ERG: variants seen among roughly 807,000 people sequenced by gnomAD.
ERG encodes transcriptional regulator ERG.
Under a neutral mutation model 55.3 loss-of-function variants are expected in ERG, and 9 were observed. The ratio of observed to expected loss-of-function variants is 0.16; its 90% CI spans 0.10 to 0.28. ERG has a LOEUF of 0.28. Among genes scored for constraint, ERG ranks in the 10% least tolerant of loss-of-function variants. The pLI is 1.00. For missense variants in ERG, 434 were observed against 631.6 expected, an observed-to-expected ratio of 0.69 and a Z score of 3.35; for synonymous variants, 223 against 237.3, an observed-to-expected ratio of 0.94 and a Z score of 0.55.
intron 2 of ERG, among the ~76,000 whole-genome samples, chr21:38,426,830 T>C (rs140663539): frequency 3.3e-5 from 5 of 151,502 alleles, no homozygotes; most frequent in Non-Finnish European, 7.4e-5. Flanking sequence ...CTCGGGAGGC[T>C]GAGGCAGGAG....
intron 1 of ERG, among the ~76,000 whole-genome samples, chr21:38,618,894 A>C (rs2060274138): frequency 1.3e-5 from 2 of 152,206 alleles, no homozygotes; most frequent in African/African-American, 4.8e-5. Flanking sequence ...GTTGCTAGGA[A>C]AACTAAGCGT....
At chr21:38,570,858 T>C (rs954386790) in intron 2 of ERG, among the ~76,000 whole-genome samples, 10 of 152,222 alleles carry the variant, frequency 6.6e-5, no homozygotes, top group Admixed American at 5.2e-4. Context: ...GGTTCCCCTC[T>C]CAGTCCAGTC....
chr21:38,392,540 C>A, intron 6 of ERG, 96 bp from the exon 7 acceptor site: 1 of 903,254 alleles, frequency 1.1e-6, no homozygotes, highest in Non-Finnish European at 1.6e-6. Context: ...TTAGAATAAA[C>A]TTTGTGCAAA....
chr21:38,411,606 C>A (rs1481518789), intron 3 of ERG, among the ~76,000 whole-genome samples: 2 of 152,224 alleles, frequency 1.3e-5, no homozygotes, highest in Non-Finnish European at 2.9e-5. Context: ...CCATGCCCAG[C>A]TGAAATTAGC....
chr21:38,587,272 C>G (rs1311615007), upstream of ERG, among the ~76,000 whole-genome samples: 4 of 152,154 alleles, frequency 2.6e-5, no homozygotes, highest in Non-Finnish European at 5.9e-5. Context: ...GCCCAAGGAG[C>G]TGGCCTTCCC....
intron 1 of ERG, among the ~76,000 whole-genome samples, chr21:38,656,563 C>A (rs2060520403): frequency 6.6e-6 from 1 of 152,190 alleles, no homozygotes; most frequent in Admixed American, 6.5e-5. Context: ...TTTAGTCTTT[C>A]TTTTACTTTC....
chr21:38,409,039 T>C (rs549688254), intron 3 of ERG, among the ~76,000 whole-genome samples: 9 of 152,124 alleles, frequency 5.9e-5, no homozygotes, highest in Non-Finnish European at 2.9e-5. Context: ...AGAACTAAGA[T>C]AGATTTAATT....
chr21:38,570,378 T>C (rs560733870), intron 2 of ERG, among the ~76,000 whole-genome samples: 1 of 152,322 alleles, frequency 6.6e-6, no homozygotes, highest in South Asian at 2.1e-4. Context: ...AGTATATAAC[T>C]TTTTTATGTA....
At chr21:38,410,319 C>A (rs1318846937) in intron 3 of ERG, among the ~76,000 whole-genome samples, 1 of 152,206 alleles carries the variant, frequency 6.6e-6, no homozygotes. Context: ...TTTCAGCCTT[C>A]CATTCCAATT....
chr21:38,426,044 C>T (rs192343275), intron 2 of ERG, among the ~76,000 whole-genome samples: 77 of 152,288 alleles, frequency 5.1e-4, no homozygotes, highest in Non-Finnish European at 1.3e-4. Context: ...CTGCCATCTG[C>T]GGATGGAGGT....
the ERG span, among the ~76,000 whole-genome samples, chr21:38,374,207 C>A: frequency 6.6e-6 from 1 of 152,210 alleles, no homozygotes; most frequent in South Asian, 2.1e-4. Context: ...GCGTCTGCCC[C>A]ACAGACCCTG....
At chr21:38,513,031 T>C (rs1392381257) in intron 2 of ERG, among the ~76,000 whole-genome samples, 1 of 151,670 alleles carries the variant, frequency 6.6e-6, no homozygotes, top group Non-Finnish European at 1.5e-5. Flanking sequence ...CTCAGGAGGC[T>C]GAGGCAGGAG....
chr21:38,653,899 T>C (rs901693102), intron 1 of ERG, among the ~76,000 whole-genome samples: 2 of 152,248 alleles, frequency 1.3e-5, no homozygotes, highest in Non-Finnish European at 2.9e-5. Flanking sequence ...ATGTAATGCT[T>C]AATTTTGCAA....
At chr21:38,456,159 T>C (rs927193629) in intron 1 of ERG, among the ~76,000 whole-genome samples, 15 of 152,256 alleles carry the variant, frequency 9.9e-5, no homozygotes, top group Non-Finnish European at 2.1e-4. Context: ...CCTCCATCTC[T>C]GAGCAGACAT....
chr21:38,603,987 G>A (rs959523805), intron 1 of ERG, among the ~76,000 whole-genome samples: 3 of 151,986 alleles, frequency 2.0e-5, no homozygotes, highest in Non-Finnish European at 2.9e-5. Flanking sequence ...GGTGGCTCAC[G>A]CCTGTAATCC....
intron 2 of ERG, among the ~76,000 whole-genome samples, chr21:38,552,450 C>A (rs890532479): frequency 6.6e-6 from 1 of 152,066 alleles, no homozygotes; most frequent in African/African-American, 2.4e-5. Flanking sequence ...TACCAGTAAA[C>A]CAAATCCAGT....
chr21:38,425,704 C>T (rs950562264), intron 2 of ERG, among the ~76,000 whole-genome samples: 12 of 152,176 alleles, frequency 7.9e-5, no homozygotes, highest in Non-Finnish European at 1.2e-4. Flanking sequence ...GTGGGATCCA[C>T]GCCAATGAAG....
intron 1 of ERG, among the ~76,000 whole-genome samples, chr21:38,633,936 C>T (rs943168828): frequency 2.6e-5 from 4 of 151,328 alleles, no homozygotes; most frequent in African/African-American, 9.7e-5. Context: ...CCTAAAGCTG[C>T]TGCCTCAAAA....
chr21:38,385,159 T>C (rs545207076), intron 9 of ERG, among the ~76,000 whole-genome samples: 6 of 152,334 alleles, frequency 3.9e-5, no homozygotes, highest in African/African-American at 1.4e-4. Flanking sequence ...AGCTGCTATG[T>C]TACAATACTT....
Sources: allele counts gnomAD v4.1 joint callset (sites outside exome capture counted in the v4.1 genomes callset), GRCh38; gene constraint gnomAD v4.1.1; transcripts MANE v1.5; gene names NCBI Gene and HGNC (gene_info 2026-07-23, HGNC 2026-07-21).